The following OGA variants were observed in gnomAD, a reference collection of about 807,000 sequenced individuals.
OGA encodes protein O-GlcNAcase.
In OGA, 21 loss-of-function variants were observed where a neutral mutation model predicts 102.0. The ratio of observed to expected loss-of-function variants is 0.21; its 90% CI spans 0.15 to 0.30. OGA has a LOEUF of 0.30. Among genes scored for constraint, OGA ranks in the 10% least tolerant of loss-of-function variants. The pLI is 1.00. For synonymous variants in OGA, 408 were observed against 378.2 expected, an observed-to-expected ratio of 1.08 and a Z score of -0.91; for missense variants, 765 against 1,107.8, an observed-to-expected ratio of 0.69 and a Z score of 4.39.
At chr10:101,813,155 A>G (rs1390729265) in intron 2 of OGA, 28 bp from the exon 3 acceptor site, 1 of 1,431,970 alleles carries the variant, frequency 7.0e-7, no homozygotes, top group Non-Finnish European at 9.7e-7. Context: ...TTACATATGT[A>G]TAAACAGGCA....
chr10:101,799,002 G>A lies in OGA; in HGVS notation c.1649C>T (p.Ala550Val), dbSNP rs149208353. The change falls in exon 9 of 16, where the codon GCG (alanine) becomes GTG (valine). Residue 550 changes from alanine (A) to valine (V), a missense_variant. This residue lies in a region of OGA where 281 missense variants were observed against 345.8 expected (regional missense o/e 0.81). Transcript: ENST00000361464. ...CAAATCCTCCAGGGTCACTGGTTCC[G>A]CAGTGTACAAAGGCTTTTCATTTGG... ...PGPNEKPLYT[A>V]EPVTLEDLQL... is the part of the protein sequence containing the mutation. 1,252 of 1,614,148 alleles carry A rather than the reference G, an allele frequency of 7.8e-4. No homozygotes were observed. Among genetic ancestry groups the A allele is most frequent in the Non-Finnish European group, 9.3e-4 (1,094 of 1,180,032 alleles).
At chr10:101,792,185 A>T (rs542209495) in intron 12 of OGA, among the ~76,000 whole-genome samples, 2 of 151,550 alleles carry the variant, frequency 1.3e-5, no homozygotes, top group East Asian at 3.9e-4. Context: ...CACCCAGCTA[A>T]TTTTTTTTGT....
intron 12 of OGA, 72 bp downstream of exon 12, chr10:101,792,767 G>T: frequency 9.6e-7 from 1 of 1,046,266 alleles, no homozygotes; most frequent in Non-Finnish European, 1.4e-6. Flanking sequence ...CCTTTAACCA[G>T]TGAGTTAAAA....
chr10:101,786,497 A>AT lies in OGA; in HGVS notation c.2704dup (p.Met902AsnfsTer29). 1 of 1,612,690 alleles carries AT rather than the reference A, an allele frequency of 6.2e-7. No individual in the cohort carries two copies. The highest frequency in any genetic ancestry group is 8.5e-7 in the Non-Finnish European group (1 of 1,179,464). On this transcript the variant is annotated frameshift_variant, in exon 16 of 16. Coordinates refer to ENST00000361464, the MANE Select transcript of OGA (RefSeq NM_012215.5). LOFTEE classifies it high-confidence loss of function. Reference sequence around the variant, plus strand: ...AACCACATCCTTTGGAAATCCTTCCATTTTTGCAATTTCAAAACATCCTAA... The same window carrying AT: ...AACCACATCCTTTGGAAATCCTTCCATTTTTTGCAATTTCAAAACATCCTAA...
intron 7 of OGA, among the ~76,000 whole-genome samples, chr10:101,802,879 C>T (rs1375818137): frequency 2.0e-5 from 3 of 151,008 alleles, no homozygotes; most frequent in African/African-American, 7.3e-5. Context: ...TGGCTCATGC[C>T]TGTAATCCCA....
intron 12 of OGA, among the ~76,000 whole-genome samples, chr10:101,792,427 C>T (rs2065270393): frequency 6.6e-6 from 1 of 152,206 alleles, no homozygotes; most frequent in African/African-American, 2.4e-5. Context: ...AGACGTGAGC[C>T]ACCGCGCCTG....
intron 7 of OGA, among the ~76,000 whole-genome samples, chr10:101,801,584 A>G (rs2065392841): frequency 6.6e-6 from 1 of 152,122 alleles, no homozygotes; most frequent in African/African-American, 2.4e-5. Context: ...AGTGTCTGCC[A>G]CCCTTAGTAT....
chr10:101,786,545 C>G lies in OGA; in HGVS notation c.2657G>C (p.Arg886Thr). The G allele has an allele frequency of 6.2e-7, 1 of 1,611,632 alleles. No homozygotes were observed. Among genetic ancestry groups the G allele is most frequent in the Non-Finnish European group, 8.5e-7 (1 of 1,179,010 alleles). The part of the protein sequence containing the change: ...AFCEVRPDDK[R>T]ILEFYSKLGC... ...TAACTTGCTGTAAAATTCCAGAATT[C>G]TTTTATCATCTGGTCTCACTTCACA... The change falls in exon 16 of 16, where the codon AGA becomes ACA. Residue 886 changes from arginine to threonine, a missense_variant. Transcript: ENST00000361464.
In OGA at chr10:101,817,885, C is replaced by T; in HGVS notation, c.138G>A (p.Gly46=). The T allele has an allele frequency of 6.4e-7, 1 of 1,556,760 alleles. No individual in the cohort carries two copies. Among genetic ancestry groups the T allele is most frequent in the Non-Finnish European group, 8.7e-7 (1 of 1,154,010 alleles). ...APGEDNPAGA[G]GAAVAGAAGG... Reference sequence around the variant, plus strand: ...CTGCAGCCCCGGCCACCGCCGCTCCCCCAGCCCCGGCGGGGTTGTCTTCTC... The same window carrying T: ...CTGCAGCCCCGGCCACCGCCGCTCCTCCAGCCCCGGCGGGGTTGTCTTCTC... Residue 46 remains glycine, a synonymous_variant, in exon 1 of 16, where the codon GGG becomes GGA. Transcript: ENST00000361464.
At chr10:101,791,316 G>A in intron 13 of OGA, 38 bp downstream of exon 13, 1 of 1,524,938 alleles carries the variant, frequency 6.6e-7, no homozygotes, top group Non-Finnish European at 9.1e-7. Context: ...GCCTCACTAT[G>A]AAAGGTCTAC....
chr10:101,790,964 A>G lies in OGA; in HGVS notation c.2386T>C (p.Ser796Pro). The G allele has an allele frequency of 6.2e-7, 1 of 1,613,866 alleles. No individual in the cohort carries two copies. Among genetic ancestry groups the G allele is most frequent in the Non-Finnish European group, 8.5e-7 (1 of 1,179,882 alleles). ...VTPFIKKCKI[S>P]WIPFMQEKYT... is the part of the protein sequence containing the mutation. ...TTCTCCTGCATGAAGGGGATCCAGG[A>G]AATTTTACATTTTTTAATAAAGGGG... The change falls in exon 14 of 16, where the codon TCC (serine) becomes CCC (proline). Residue 796 changes from serine (S) to proline (P), a missense_variant. This residue lies in a region of OGA where 146 missense variants were observed against 269.7 expected (regional missense o/e 0.54). Coordinates refer to ENST00000361464, the MANE Select transcript of OGA (RefSeq NM_012215.5).
At chr10:101,793,438 G>A (rs1010590814) in intron 11 of OGA, among the ~76,000 whole-genome samples, 2 of 152,158 alleles carry the variant, frequency 1.3e-5, no homozygotes, top group Non-Finnish European at 2.9e-5. Context: ...GAAAGTCCAT[G>A]AACAAATTCC....
chr10:101,792,520 A>G (rs1410151378), intron 12 of OGA: 1 of 195,502 alleles, frequency 5.1e-6, no homozygotes, highest in Non-Finnish European at 1.0e-5. Context: ...ATTGAAAGAA[A>G]ATTACAGAAC....
At chr10:101,809,508 G>C (rs1000681943) in intron 4 of OGA, among the ~76,000 whole-genome samples, 1 of 152,072 alleles carries the variant, frequency 6.6e-6, no homozygotes, top group African/African-American at 2.4e-5. Context: ...CTAAAGTCAG[G>C]AGTTCGAGAC....
chr10:101,788,931 T>A (rs1221338233), intron 14 of OGA, among the ~76,000 whole-genome samples: 1 of 152,224 alleles, frequency 6.6e-6, no homozygotes, highest in Non-Finnish European at 1.5e-5. Context: ...CTGCAACTTT[T>A]CTGTAAATCT....
intron 1 of OGA, among the ~76,000 whole-genome samples, chr10:101,816,640 C>A (rs1352546379): frequency 6.6e-6 from 1 of 152,228 alleles, no homozygotes; most frequent in Non-Finnish European, 1.5e-5. Context: ...ACAATGCAAT[C>A]ATTTTTGATG....
intron 3 of OGA, 168 bp downstream of exon 3, chr10:101,812,862 G>A (rs770524923): frequency 2.6e-5 from 18 of 688,864 alleles, no homozygotes; most frequent in Non-Finnish European, 4.5e-5. Context: ...CCTTGCTAGC[G>A]CAGAGCACTC....
chr10:101,798,408 CTTTTT>C (rs1047325578), intron 9 of OGA, among the ~76,000 whole-genome samples: 4 of 133,010 alleles, frequency 3.0e-5, no homozygotes, highest in Admixed American at 7.7e-5. Flanking sequence ...AAAGAACATA[CTTTTT>C]TTTTTTTTTT....
intron 14 of OGA, among the ~76,000 whole-genome samples, chr10:101,790,438 A>C (rs772599572): frequency 6.6e-6 from 1 of 151,824 alleles, no homozygotes; most frequent in African/African-American, 2.4e-5. Context: ...ACACCCAGCT[A>C]ATTTTTTTTT....
Sources: allele counts gnomAD v4.1 joint callset (sites outside exome capture counted in the v4.1 genomes callset), GRCh38; gene constraint gnomAD v4.1.1; regional missense constraint gnomAD v4.1.1; transcripts MANE v1.5; gene names NCBI Gene and HGNC (gene_info 2026-07-23, HGNC 2026-07-21).